Variants in BMPR1A observed in about 807,000 individuals in gnomAD.
BMPR1A encodes the protein bone morphogenetic protein receptor type 1A.
In BMPR1A, 7 loss-of-function variants were observed where a neutral mutation model predicts 66.0. That is an observed-to-expected ratio of 0.11 (90% CI 0.06 to 0.20). The LOEUF (loss-of-function observed/expected upper bound fraction) is 0.20, where lower values mean the gene tolerates loss of function less well. Ranked by LOEUF, BMPR1A falls within the 10% of genes least tolerant of loss-of-function variation. The probability of loss-of-function intolerance (pLI) is 1.00; values close to 1 mark genes in which losing one functional copy is unlikely to be tolerated. For synonymous variants in BMPR1A, 200 were observed against 229.7 expected (o/e 0.87, Z 1.17); for missense variants, 408 against 669.1 (o/e 0.61, Z 4.31).
intron 7 of BMPR1A, 124 bp from the exon 8 acceptor site, chr10:86,912,115 GA>G (rs1427731121): frequency 1.8e-5 from 18 of 1,026,192 alleles, no homozygotes; most frequent in Non-Finnish European, 2.5e-5. Flanking sequence ...ATTATCCAAT[GA>G]TAAGACTAAT....
At chr10:86,794,227 A>T (rs1841671732) in intron 1 of BMPR1A, among the ~76,000 whole-genome samples, 1 of 152,008 alleles carries the variant, frequency 6.6e-6, no homozygotes, top group Non-Finnish European at 1.5e-5. Context: ...ATAATTTTGA[A>T]CTGTTAATTT....
At chr10:86,780,792 A>G (rs1841425532) in intron 1 of BMPR1A, among the ~76,000 whole-genome samples, 3 of 152,186 alleles carry the variant, frequency 2.0e-5, no homozygotes, top group Admixed American at 2.0e-4. Flanking sequence ...CAGGGAAAGG[A>G]AAGTCAAAGG....
intron 3 of BMPR1A, among the ~76,000 whole-genome samples, chr10:86,878,424 G>T (rs538071004): frequency 1.3e-5 from 2 of 152,266 alleles, no homozygotes; most frequent in African/African-American, 2.4e-5. Flanking sequence ...TTTACAACAG[G>T]ATATATTAAT....
intron 2 of BMPR1A, among the ~76,000 whole-genome samples, chr10:86,854,067 C>T (rs533013869): frequency 6.6e-6 from 1 of 152,062 alleles, no homozygotes; most frequent in Non-Finnish European, 1.5e-5. Flanking sequence ...CCCAAGGGGA[C>T]CATTTCAGAG....
rs1454745628 is a variant in BMPR1A at position 86,764,910 on chromosome 10, T to C, written c.-268+7991T>C. Among the ~76,000 whole-genome samples the C allele has an allele frequency of 3.9e-5, 6 of 152,320 alleles. No individual in the cohort carries two copies. The East Asian group carries it at 9.6e-4, about 24-fold the overall frequency. Reference sequence around the variant, plus strand: ...GTGAGATGATACTGTTAGGGATACATTGGATTAAAGAAATATATTAAAACT... The same window carrying C: ...GTGAGATGATACTGTTAGGGATACACTGGATTAAAGAAATATATTAAAACT... On this transcript the variant is annotated intron_variant, in intron 1 of 12. Coordinates refer to ENST00000372037, the MANE Select transcript of BMPR1A (RefSeq NM_004329.3).
intron 1 of BMPR1A, among the ~76,000 whole-genome samples, chr10:86,838,064 T>A (rs904548867): frequency 6.6e-5 from 10 of 152,176 alleles, no homozygotes; most frequent in Admixed American, 5.2e-4. Context: ...ACTTTGCTAT[T>A]TGAAGTTTCC....
chr10:86,786,510 C>T (rs774197935), intron 1 of BMPR1A, among the ~76,000 whole-genome samples: 1 of 152,178 alleles, frequency 6.6e-6, no homozygotes, highest in South Asian at 2.1e-4. Context: ...ATTTCCTGCT[C>T]GTTGAAACAC....
At chr10:86,775,165 G>A (rs891729218) in intron 1 of BMPR1A, among the ~76,000 whole-genome samples, 3 of 152,170 alleles carry the variant, frequency 2.0e-5, no homozygotes, top group Non-Finnish European at 2.9e-5. Context: ...CAAGAAAATC[G>A]ATTGACAAAC....
At chr10:86,866,091 T>C (rs1433267436) in intron 2 of BMPR1A, among the ~76,000 whole-genome samples, 1 of 152,074 alleles carries the variant, frequency 6.6e-6, no homozygotes, top group Non-Finnish European at 1.5e-5. Context: ...AAGTCCCTTC[T>C]CCCCTCTTCC....
chr10:86,927,807 A>G lies in BMPR1A; in HGVS notation c.*4088A>G, dbSNP rs1222044331. 5.0e-6 allele frequency: 1 copy of G among 198,596 alleles called. No individual in the cohort carries two copies. The highest frequency in any genetic ancestry group is 6.0e-5 in the Admixed American group (1 of 16,530). The allele number at this position is 198,596 out of a possible 1,614,324, so 12.3% of individuals were successfully genotyped here. A position where few individuals can be genotyped will look rare whatever the true frequency, so the allele number is the denominator to read the frequency against. ...AGCAGTTTTATCAGGCAGTTGTAAAACACCAAAAATATAGATTCGTCTTTG... is the reference window on the plus strand; with the variant it reads ...AGCAGTTTTATCAGGCAGTTGTAAAGCACCAAAAATATAGATTCGTCTTTG... On this transcript the variant is annotated 3_prime_UTR_variant, in exon 13 of 13. Transcript: ENST00000372037.
upstream of BMPR1A, chr10:86,756,422 G>C (rs1167955683): frequency 6.6e-6 from 1 of 151,830 alleles, no homozygotes; most frequent in East Asian, 1.9e-4. Context: ...CTGGGCGCCG[G>C]GCTCCGCGAA....
intron 1 of BMPR1A, among the ~76,000 whole-genome samples, chr10:86,789,263 C>G (rs1841564346): frequency 6.6e-6 from 1 of 152,006 alleles, no homozygotes; most frequent in South Asian, 2.1e-4. Flanking sequence ...GACAACAAAG[C>G]ACAAGCAATC....
At chr10:86,918,062 G>A (rs757423840) in intron 9 of BMPR1A, among the ~76,000 whole-genome samples, 18 of 152,108 alleles carry the variant, frequency 1.2e-4, no homozygotes, top group Non-Finnish European at 2.4e-4. Context: ...TGGTGGCCAG[G>A]AATTTTTGGT....
chr10:86,785,945 C>T (rs1363238581), intron 1 of BMPR1A, among the ~76,000 whole-genome samples: 1 of 152,174 alleles, frequency 6.6e-6, no homozygotes, highest in East Asian at 1.9e-4. Flanking sequence ...CCCAGTGTGA[C>T]CTAAATGATC....
chr10:86,877,558 T>C (rs558170344), intron 3 of BMPR1A, among the ~76,000 whole-genome samples: 4 of 152,338 alleles, frequency 2.6e-5, no homozygotes, highest in African/African-American at 9.6e-5. Flanking sequence ...AGCTTCTTTT[T>C]ATTTTGCCTT....
At chr10:86,914,339 C>T (rs191438763) in intron 8 of BMPR1A, among the ~76,000 whole-genome samples, 2 of 152,122 alleles carry the variant, frequency 1.3e-5, no homozygotes, top group Admixed American at 6.5e-5. Flanking sequence ...ATTATTCTGA[C>T]CTTGGGCAGA....
upstream of BMPR1A, chr10:86,756,315 A>AG (rs1847859850): frequency 6.6e-6 from 1 of 151,930 alleles, no homozygotes; most frequent in Non-Finnish European, 1.5e-5. Context: ...GCTTGTGGGG[A>AG]GGGGCCGGCG....
intron 1 of BMPR1A, among the ~76,000 whole-genome samples, chr10:86,823,263 C>T (rs757313457): frequency 6.6e-6 from 1 of 152,158 alleles, no homozygotes; most frequent in Non-Finnish European, 1.5e-5. Flanking sequence ...TCTGAAAATA[C>T]AGTTGGTTTC....
intron 3 of BMPR1A, among the ~76,000 whole-genome samples, chr10:86,886,850 A>C (rs1352459238): frequency 2.2e-5 from 1 of 46,138 alleles, no homozygotes; most frequent in Non-Finnish European, 4.4e-5. Flanking sequence ...TTTTTTTTTG[A>C]GATGGATTTT....
Sources: gnomAD v4.1 joint callset for allele counts (sites outside exome capture counted in the v4.1 genomes callset) on GRCh38, gnomAD v4.1.1 for gene constraint, MANE v1.5 for transcripts, NCBI Gene and HGNC (gene_info 2026-07-23, HGNC 2026-07-21) for gene names.